Variants in RORA observed in about 807,000 individuals in gnomAD.
RORA encodes nuclear receptor ROR-alpha.
Under a neutral mutation model 69.5 loss-of-function variants are expected in RORA, and 7 were observed. The ratio of observed to expected loss-of-function variants is 0.10; its 90% CI spans 0.06 to 0.19. The LOEUF is 0.19. Ranked by LOEUF, RORA falls within the 10% of genes least tolerant of loss-of-function variation. RORA has a pLI of 1.00. For synonymous variants in RORA, 261 were observed against 240.8 expected, an observed-to-expected ratio of 1.08 and a Z score of -0.78; for missense variants, 457 against 663.0, an observed-to-expected ratio of 0.69 and a Z score of 3.41.
chr15:61,114,590 G>A (rs917729827), intron 1 of RORA, among the ~76,000 whole-genome samples: 13 of 152,214 alleles, frequency 8.5e-5, no homozygotes, highest in Non-Finnish European at 1.6e-4. Flanking sequence ...TTTTCTGCAA[G>A]TATTTGGAGT....
chr15:60,945,122 G>A (rs1892831925), intron 1 of RORA, among the ~76,000 whole-genome samples: 1 of 152,142 alleles, frequency 6.6e-6, no homozygotes, highest in Admixed American at 6.6e-5. Flanking sequence ...CCAGCAATAT[G>A]GGGCTGGACC....
intron 2 of RORA, among the ~76,000 whole-genome samples, chr15:60,596,440 C>T (rs1274294626): frequency 6.6e-6 from 1 of 152,098 alleles, no homozygotes. Context: ...TGCACTGTGA[C>T]CTTTAGGAGT....
At chr15:60,695,804 G>A (rs1378973861) in intron 1 of RORA, among the ~76,000 whole-genome samples, 4 of 151,950 alleles carry the variant, frequency 2.6e-5, no homozygotes, top group African/African-American at 9.7e-5. Context: ...GAAAGTACAC[G>A]GAGGAAGCAA....
intron 1 of RORA, among the ~76,000 whole-genome samples, chr15:60,984,715 T>C (rs192954253): frequency 1.3e-5 from 2 of 151,984 alleles, no homozygotes; most frequent in Admixed American, 1.3e-4. Flanking sequence ...TTACAGCACT[T>C]TGACAATGGG....
chr15:60,914,910 A>G (rs954442250), intron 1 of RORA, among the ~76,000 whole-genome samples: 1 of 152,156 alleles, frequency 6.6e-6, no homozygotes, highest in African/African-American at 2.4e-5. Context: ...GGAGGGCACT[A>G]ATGTTTCTTT....
chr15:61,145,265 G>T (rs1002011639), intron 1 of RORA, among the ~76,000 whole-genome samples: 3 of 152,154 alleles, frequency 2.0e-5, no homozygotes, highest in Admixed American at 2.0e-4. Flanking sequence ...ATATACTACT[G>T]TGTGCCTACT....
At chr15:60,883,461 A>G (rs141153883) in intron 1 of RORA, among the ~76,000 whole-genome samples, 9 of 152,344 alleles carry the variant, frequency 5.9e-5, no homozygotes, top group African/African-American at 1.7e-4. Context: ...TGCAGCTGTT[A>G]AAGATCATGT....
intron 2 of RORA, among the ~76,000 whole-genome samples, chr15:60,564,067 C>T (rs1045831117): frequency 9.2e-5 from 14 of 152,140 alleles, no homozygotes; most frequent in African/African-American, 3.4e-4. Context: ...GATAATGAAT[C>T]CAAAGTCTGA....
rs1000317352 is a variant in RORA at position 60,658,598 on chromosome 15, G to T, written c.196+20059C>A. 2.7e-5 allele frequency among the ~76,000 whole-genome samples: 4 copies of T among 148,100 alleles called. No homozygotes were observed. In the South Asian group the frequency reaches 8.5e-4, roughly 31 times the overall value. On this transcript the variant is annotated intron_variant, in intron 2 of 10. Coordinates refer to ENST00000335670, the MANE Select transcript of RORA (RefSeq NM_134261.3). ...TTCACATGTATCTGCACAACCACGT[G>T]TTTAGAAATCAGAGGGTTGCTATTT...
intron 2 of RORA, among the ~76,000 whole-genome samples, chr15:60,663,707 A>G (rs545666105): frequency 4.5e-4 from 69 of 152,324 alleles, no homozygotes; most frequent in African/African-American, 1.6e-3. Context: ...CACCCACCTC[A>G]GCCTCCCAAA....
Position 60,604,803 on chromosome 15 carries a change from A to G in RORA, c.197-72952T>C, listed in dbSNP as rs147589103. Among the ~76,000 whole-genome samples the G allele has an allele frequency of 8.9e-4, 136 of 152,246 alleles. 1 individual carries two copies. Among genetic ancestry groups the G allele is most frequent in the African/African-American group, 3.0e-3 (123 of 41,544 alleles). On this transcript the variant is annotated intron_variant, in intron 2 of 10. Transcript: ENST00000335670. ...AGTTACTTATATTCTTTGAGCTTCAATTTCCTCTCCTGTACAACTGAAAAA... is the reference window on the plus strand; with the variant it reads ...AGTTACTTATATTCTTTGAGCTTCAGTTTCCTCTCCTGTACAACTGAAAAA...
intron 2 of RORA, among the ~76,000 whole-genome samples, chr15:60,610,336 G>C (rs1392846902): frequency 1.3e-5 from 2 of 152,120 alleles, no homozygotes; most frequent in African/African-American, 4.8e-5. Flanking sequence ...TGAGGACCAG[G>C]AGCAAAGAAC....
At chr15:60,899,035 G>A (rs570440739) in intron 1 of RORA, among the ~76,000 whole-genome samples, 11 of 152,268 alleles carry the variant, frequency 7.2e-5, no homozygotes, top group African/African-American at 2.6e-4. Flanking sequence ...AGTAAGGGGT[G>A]GTCCAAACAC....
At chr15:61,137,088 AAAGAAAGAAAG>A (rs2079251997) in intron 1 of RORA, among the ~76,000 whole-genome samples, 4 of 150,258 alleles carry the variant, frequency 2.7e-5, no homozygotes, top group Admixed American at 2.0e-4. Flanking sequence ...AGAAAGAAAG[AAAGAAAGAAAG>A]AAAAAAGCAA....
At chr15:61,047,991 AC>A (rs1897115031) in intron 1 of RORA, among the ~76,000 whole-genome samples, 1 of 152,238 alleles carries the variant, frequency 6.6e-6, no homozygotes. Context: ...GAGGTGACTC[AC>A]GTGTTTATGT....
chr15:60,963,101 T>C (rs1295442626), intron 1 of RORA, among the ~76,000 whole-genome samples: 2 of 152,258 alleles, frequency 1.3e-5, no homozygotes, highest in African/African-American at 2.4e-5. Flanking sequence ...TACATGCATA[T>C]GCATGGTACA....
At chr15:60,522,683 T>C (rs1006582386) in intron 3 of RORA, among the ~76,000 whole-genome samples, 10 of 151,248 alleles carry the variant, frequency 6.6e-5, no homozygotes, top group Admixed American at 4.6e-4. Flanking sequence ...GGTGGGAAGA[T>C]TGTTGGAGCC....
chr15:60,548,329 G>A (rs1410263019), intron 2 of RORA, among the ~76,000 whole-genome samples: 3 of 152,062 alleles, frequency 2.0e-5, no homozygotes, highest in African/African-American at 4.8e-5. Context: ...TCAGCCAAGC[G>A]AAAACACTGT....
At chr15:60,740,062 A>C (rs1399763979) in intron 1 of RORA, among the ~76,000 whole-genome samples, 1 of 152,128 alleles carries the variant, frequency 6.6e-6, no homozygotes, top group Non-Finnish European at 1.5e-5. Flanking sequence ...ATTAGAAAGG[A>C]GAGAAAGGGA....
Sources: allele counts gnomAD v4.1 joint callset (sites outside exome capture counted in the v4.1 genomes callset), GRCh38; gene constraint gnomAD v4.1.1; transcripts MANE v1.5; gene names NCBI Gene and HGNC (gene_info 2026-07-23, HGNC 2026-07-21).